The following ENAM variants were observed in gnomAD, a reference collection of about 807,000 sequenced individuals.
ENAM encodes the protein amelogenesis imperfecta 2, hypocalcification (autosomal dominant).
In ENAM, 21 loss-of-function variants were observed where a neutral mutation model predicts 33.6. The ratio of observed to expected loss-of-function variants is 0.63; its 90% CI spans 0.44 to 0.90. The LOEUF (loss-of-function observed/expected upper bound fraction) is 0.90, where lower values mean the gene tolerates loss of function less well. ENAM is among the 40% of genes least tolerant of loss of function. The pLI, the probability that ENAM is intolerant of heterozygous loss-of-function variation, is 0.00. For synonymous variants in ENAM, 473 were observed against 468.4 expected (o/e 1.01, Z -0.13); for missense variants, 1,388 against 1,366.9 (o/e 1.02, Z -0.24).
rs1738451022 is a variant in ENAM, at chr4:70,636,310, T to C, written c.534+416T>C. On this transcript the variant is annotated intron_variant, in intron 7 of 8. Transcript: ENST00000396073. ...TATGATTAGACATTTTCATCCTATC[T>C]TACTGTTTCTAGCCACAGATATATC... Among the ~76,000 whole-genome samples, 3 of 152,130 alleles carry C rather than the reference T, an allele frequency of 2.0e-5. No individual in the cohort carries two copies. In the South Asian group the frequency reaches 6.2e-4, roughly 31 times the overall value.
intron 8 of ENAM, 131 bp from the exon 9 acceptor site, chr4:70,641,884 A>C: frequency 2.7e-6 from 2 of 752,298 alleles, no homozygotes; most frequent in South Asian, 3.0e-5. Context: ...AATTTCAAGA[A>C]AGAAAGTAAA....
chr4:70,642,593 C>T lies in ENAM; in HGVS notation c.1167C>T (p.Gly389=), dbSNP rs770542386. 1.2e-6 allele frequency: 2 copies of T among 1,613,928 alleles called. No homozygotes were observed. The highest frequency in any genetic ancestry group is 3.3e-5 in the Admixed American group (2 of 60,004). The change falls in exon 9 of 9, where the codon GGC becomes GGT. Residue 389 remains glycine (G), a synonymous_variant. Transcript: ENST00000396073. The part of the protein sequence containing the change: ...YHKAYPPTSR[G]NYPNYAGNPA... ...AAGCTTACCCTCCTACTTCAAGAGG[C>T]AATTATCCCAATTATGCAGGAAATC...
chr4:70,638,972 AT>A (rs1303545396), intron 8 of ENAM, among the ~76,000 whole-genome samples: 1 of 151,216 alleles, frequency 6.6e-6, no homozygotes, highest in Non-Finnish European at 1.5e-5. Context: ...TAATCTTTGT[AT>A]TTTTTTAGAG....
chr4:70,637,575 C>T lies in ENAM; in HGVS notation c.535-215C>T. ...TATTTTAAGTAGGATAATCTAGGAT[C>T]CAGCTGAAGCCTTTGTATTTACCAG... On this transcript the variant is annotated intron_variant, in intron 7 of 8. Coordinates refer to ENST00000396073, the MANE Select transcript of ENAM (RefSeq NM_031889.3). The T allele has an allele frequency of 1.9e-5, 11 of 576,882 alleles. No individual in the cohort carries two copies. The South Asian group carries it at 2.2e-4, about 12-fold the overall frequency. The allele number at this position is 576,882 out of a possible 1,614,324, so 35.7% of individuals were successfully genotyped here.
chr4:70,633,385 T>G (rs1738372756), intron 5 of ENAM, among the ~76,000 whole-genome samples: 1 of 152,172 alleles, frequency 6.6e-6, no homozygotes, highest in Non-Finnish European at 1.5e-5. Flanking sequence ...CCTCAACTTT[T>G]GATTGGCTCA....
At chr4:70,635,688 T>C in intron 6 of ENAM, 144 bp from the exon 7 acceptor site, 1 of 654,508 alleles carries the variant, frequency 1.5e-6, no homozygotes, top group South Asian at 2.0e-5. Context: ...ATTATCATTA[T>C]CGTCTTTGCC....
intron 5 of ENAM, among the ~76,000 whole-genome samples, chr4:70,633,599 G>T (rs1738377037): frequency 6.6e-6 from 1 of 152,132 alleles, no homozygotes. Context: ...TGTTAAACCA[G>T]GGAGGAAATA....
chr4:70,639,280 T>C (rs1161738691), intron 8 of ENAM, among the ~76,000 whole-genome samples: 1 of 152,218 alleles, frequency 6.6e-6, no homozygotes, highest in East Asian at 1.9e-4. Flanking sequence ...CAGGCAGTTA[T>C]CACAGGCTTT....
chr4:70,629,559 G>T lies in ENAM; in HGVS notation c.54+5G>T. On this transcript the variant is annotated splice_donor_5th_base_variant and intron_variant, in intron 2 of 8. Coordinates refer to ENST00000396073, the MANE Select transcript of ENAM (RefSeq NM_031889.3). The stretch of plus-strand genomic sequence containing the variant: ...TTTCCTAAACTAGATAACTTGGTGA[G>T]TACTTTCATTTATTTTTGCCAATAC... 1.2e-6 allele frequency: 2 copies of T among 1,608,510 alleles called. No individual in the cohort carries two copies. The highest frequency in any genetic ancestry group is 1.7e-6 in the Non-Finnish European group (2 of 1,175,092).
Position 70,645,232 on chromosome 4 carries a change from TAC to T in ENAM, c.*378_*379del. 24 of 310,546 alleles carry T rather than the reference TAC, an allele frequency of 7.7e-5. No homozygotes were observed. Among genetic ancestry groups the T allele is most frequent in the South Asian group, 1.9e-4 (3 of 15,468 alleles). 19.2% of individuals were successfully genotyped at this position (310,546 alleles called of 1,614,324 possible). On this transcript the variant is annotated 3_prime_UTR_variant, in exon 9 of 9. Coordinates refer to ENST00000396073, the MANE Select transcript of ENAM (RefSeq NM_031889.3). ...TGAAAGGCAGATTAACTTTCCATTC[TAC>T]TTATGGAGATCCACACATCAGTATA...
intron 2 of ENAM, 29 bp downstream of exon 2, chr4:70,629,583 A>G: frequency 1.3e-6 from 2 of 1,523,242 alleles, no homozygotes; most frequent in Non-Finnish European, 1.8e-6. Context: ...TTTTGCCAAT[A>G]CATACAGGTT....
rs758234051 is a variant in ENAM, at chr4:70,634,547, A to C, written c.450A>C (p.Glu150Asp). 6.2e-7 allele frequency: 1 copy of C among 1,614,192 alleles called. No homozygotes were observed. Among genetic ancestry groups the C allele is most frequent in the Non-Finnish European group, 8.5e-7 (1 of 1,180,026 alleles). Reference protein sequence around the residue: ...KQPSHNQPQPEEEAQPPQAFP... With the variant: ...KQPSHNQPQPDEEAQPPQAFP... The stretch of plus-strand genomic sequence containing the variant: ...CATCACATAATCAACCTCAGCCCGA[A>C]GAGGAAGCTCAACCCCCTCAGGTGA... Residue 150 changes from glutamate to aspartate, a missense_variant, in exon 6 of 9, where the codon GAA (glutamate) becomes GAC (aspartate). Coordinates refer to ENST00000396073, the MANE Select transcript of ENAM (RefSeq NM_031889.3).
rs1293686568 is a variant in ENAM at position 70,643,439 on chromosome 4, G to T, written c.2013G>T (p.Trp671Cys). The T allele has an allele frequency of 1.2e-6, 2 of 1,614,084 alleles. No individual in the cohort carries two copies. ...AAGTCTTTCCTGGACAAAATAGATG[G>T]GGTGAAGAGTTGAGCTTCAAAGGAG... ...GDEVFPGQNR[W>C]GEELSFKGGP... is the part of the protein sequence containing the mutation. The change falls in exon 9 of 9, where the codon TGG becomes TGT. Residue 671 changes from tryptophan (W) to cysteine (C), a missense_variant. By Grantham distance (215) the Trp-to-Cys change is radical. Coordinates refer to ENST00000396073, the MANE Select transcript of ENAM (RefSeq NM_031889.3).
intron 2 of ENAM, 45 bp downstream of exon 2, chr4:70,629,599 A>T: frequency 7.4e-7 from 1 of 1,350,950 alleles, no homozygotes; most frequent in Non-Finnish European, 1.1e-6. Flanking sequence ...AGGTTCTCAA[A>T]CTAGATACTG....
intron 8 of ENAM, among the ~76,000 whole-genome samples, chr4:70,639,287 C>A (rs972876387): frequency 2.0e-5 from 3 of 151,984 alleles, no homozygotes; most frequent in Admixed American, 6.6e-5. Context: ...TTATCACAGG[C>A]TTTAAGAAGC....
intron 2 of ENAM, among the ~76,000 whole-genome samples, chr4:70,629,907 C>T (rs1248309153): frequency 1.3e-5 from 2 of 152,198 alleles, no homozygotes; most frequent in East Asian, 1.9e-4. Flanking sequence ...ACTGTGACAG[C>T]TACTAGAGAG....
rs149307436 is a variant in ENAM at position 70,630,257 on chromosome 4, A to C, written c.54+703A>C. Among the ~76,000 whole-genome samples the C allele has an allele frequency of 1.3e-3, 199 of 152,328 alleles. 1 individual carries two copies. Among genetic ancestry groups the C allele is most frequent in the African/African-American group, 4.6e-3 (190 of 41,584 alleles). On this transcript the variant is annotated intron_variant, in intron 2 of 8. Coordinates refer to ENST00000396073, the MANE Select transcript of ENAM (RefSeq NM_031889.3). Reference sequence around the variant, plus strand: ...GAAAATGTCCATTATAAAAATGCTAAAGCGTCATTTATGTTGCTCCTATAG... The same window carrying C: ...GAAAATGTCCATTATAAAAATGCTACAGCGTCATTTATGTTGCTCCTATAG...
Position 70,645,778 on chromosome 4 carries a change from A to G in ENAM, c.*923A>G, listed in dbSNP as rs1738744983. The G allele has an allele frequency of 6.6e-6, 1 of 152,200 alleles. No homozygotes were observed. Among genetic ancestry groups the G allele is most frequent in the Non-Finnish European group, 1.5e-5 (1 of 68,038 alleles). 9.4% of individuals were successfully genotyped at this position (152,200 alleles called of 1,614,324 possible). A position where few individuals can be genotyped will look rare whatever the true frequency, so the allele number is the denominator to read the frequency against. On this transcript the variant is annotated 3_prime_UTR_variant, in exon 9 of 9. Coordinates refer to ENST00000396073, the MANE Select transcript of ENAM (RefSeq NM_031889.3). ...TATTTTGGAAATGGTAGACACTGAT[A>G]GCTACTTTGTTTTTAGTTATCTTAG...
In ENAM at chr4:70,629,517, G is replaced by T. The variant is rs1254376905; in HGVS notation, c.17G>T (p.Cys6Phe). ...CTGAAAAAAATGTTGGTGCTTCGGT[G>T]CAGGCTTGGAACCTCTTTTCCTAAA... MLVLR[C>F]RLGTSFPKLD... Residue 6 changes from cysteine (C) to phenylalanine (F), a missense_variant, in exon 2 of 9, where the codon TGC becomes TTC. By Grantham distance (205) the Cys-to-Phe change is radical. Coordinates refer to ENST00000396073, the MANE Select transcript of ENAM (RefSeq NM_031889.3). The T allele has an allele frequency of 1.2e-6, 2 of 1,613,390 alleles. No homozygotes were observed. The highest frequency in any genetic ancestry group is 1.7e-6 in the Non-Finnish European group (2 of 1,179,494).
Sources: gnomAD v4.1 joint callset for allele counts (sites outside exome capture counted in the v4.1 genomes callset) on GRCh38, gnomAD v4.1.1 for gene constraint, MANE v1.5 for transcripts, NCBI Gene and HGNC (gene_info 2026-07-23, HGNC 2026-07-21) for gene names.